E2F3: variants seen among roughly 807,000 people sequenced by gnomAD.
E2F3 encodes the protein transcription factor E2F3.
Under a neutral mutation model 44.4 loss-of-function variants are expected in E2F3, and 11 were observed. The ratio of observed to expected loss-of-function variants is 0.25; its 90% CI spans 0.16 to 0.41. The LOEUF is 0.41. E2F3 is among the 10% of genes least tolerant of loss of function. The probability of loss-of-function intolerance (pLI) is 1.00; values close to 1 mark genes in which losing one functional copy is unlikely to be tolerated. For synonymous variants in E2F3, 249 were observed against 253.0 expected (o/e 0.98, Z 0.15); for missense variants, 487 against 583.6 (o/e 0.83, Z 1.70).
chr6:20,426,389 C>G (rs147569004), intron 1 of E2F3, among the ~76,000 whole-genome samples: 122 of 152,322 alleles, frequency 8.0e-4, no homozygotes, highest in African/African-American at 2.8e-3. Flanking sequence ...GGCACCTAAT[C>G]AAAGATTTCT....
intron 1 of E2F3, among the ~76,000 whole-genome samples, chr6:20,441,518 G>A (rs1456255378): frequency 1.3e-5 from 2 of 152,012 alleles, no homozygotes; most frequent in Non-Finnish European, 2.9e-5. Context: ...ATTCCTTTGG[G>A]TATATATCCA....
intron 1 of E2F3, among the ~76,000 whole-genome samples, chr6:20,471,721 G>A (rs958616949): frequency 6.6e-6 from 1 of 152,170 alleles, no homozygotes; most frequent in Admixed American, 6.5e-5. Flanking sequence ...GTGCCAGTTA[G>A]TATGGTAATA....
chr6:20,403,595 G>C (rs1759384409), intron 1 of E2F3: 1 of 460,770 alleles, frequency 2.2e-6, no homozygotes, highest in Non-Finnish European at 3.9e-6. Flanking sequence ...GGGCGCTGGA[G>C]GGGGAGAGGG....
At chr6:20,411,938 C>A (rs1165805871) in intron 1 of E2F3, among the ~76,000 whole-genome samples, 1 of 152,194 alleles carries the variant, frequency 6.6e-6, no homozygotes, top group Non-Finnish European at 1.5e-5. Context: ...CCTGCAGTGC[C>A]CACTACACTA....
At chr6:20,470,542 C>G (rs1761855080) in intron 1 of E2F3, among the ~76,000 whole-genome samples, 1 of 152,194 alleles carries the variant, frequency 6.6e-6, no homozygotes, top group African/African-American at 2.4e-5. Flanking sequence ...TGGAAATTCC[C>G]TCCTTTGGGT....
At chr6:20,405,694 G>C (rs912767449) in intron 1 of E2F3, among the ~76,000 whole-genome samples, 1 of 151,818 alleles carries the variant, frequency 6.6e-6, no homozygotes, top group South Asian at 2.1e-4. Context: ...GTGGTGGTGC[G>C]CGCCTGTAAT....
At chr6:20,489,289 T>C (rs1762488193) in intron 6 of E2F3, among the ~76,000 whole-genome samples, 1 of 152,144 alleles carries the variant, frequency 6.6e-6, no homozygotes, top group Non-Finnish European at 1.5e-5. Flanking sequence ...GAGATCTTTT[T>C]AATAAGCTGG....
rs1320429135 is a variant in E2F3, at chr6:20,492,895, A to T, written c.*2465A>T. 2.3e-5 allele frequency: 5 copies of T among 218,532 alleles called. No individual in the cohort carries two copies. The highest frequency in any genetic ancestry group is 1.1e-4 in the African/African-American group (5 of 44,510). 13.5% of individuals were successfully genotyped at this position (218,532 alleles called of 1,614,324 possible). A position where few individuals can be genotyped will look rare whatever the true frequency, so the allele number is the denominator to read the frequency against. On this transcript the variant is annotated 3_prime_UTR_variant, in exon 7 of 7. Transcript: ENST00000346618. ...ATTTGCGTTACTTTAAGTACTAAGTATGCAGGTTTCCTGGTACCATTGAGT... is the reference window on the plus strand; with the variant it reads ...ATTTGCGTTACTTTAAGTACTAAGTTTGCAGGTTTCCTGGTACCATTGAGT...
intron 6 of E2F3, among the ~76,000 whole-genome samples, chr6:20,489,646 A>G (rs958833979): frequency 2.1e-4 from 32 of 152,148 alleles, no homozygotes; most frequent in Non-Finnish European, 4.4e-4. Context: ...GTTTATTGAC[A>G]GTAGTTATTT....
At chr6:20,437,604 G>GGTAAAAT (rs1760633164) in intron 1 of E2F3, among the ~76,000 whole-genome samples, 1 of 151,924 alleles carries the variant, frequency 6.6e-6, no homozygotes. Flanking sequence ...GGCCAAAGTT[G>GGTAAAAT]GTAAAATGCA....
chr6:20,415,645 A>G (rs1448535619), intron 1 of E2F3, among the ~76,000 whole-genome samples: 1 of 152,224 alleles, frequency 6.6e-6, no homozygotes. Context: ...TATATAGTAC[A>G]TATTTAAATT....
chr6:20,406,280 T>A (rs764411438), intron 1 of E2F3, among the ~76,000 whole-genome samples: 1 of 152,256 alleles, frequency 6.6e-6, no homozygotes, highest in African/African-American at 2.4e-5. Flanking sequence ...CAACTCAGTT[T>A]CTTCCTCTGT....
At chr6:20,484,035 G>T (rs1762313544) in intron 4 of E2F3, among the ~76,000 whole-genome samples, 1 of 152,192 alleles carries the variant, frequency 6.6e-6, no homozygotes, top group African/African-American at 2.4e-5. Flanking sequence ...GGCAGAGTGG[G>T]TTTACAGGGG....
At chr6:20,421,310 C>T (rs1047886342) in intron 1 of E2F3, among the ~76,000 whole-genome samples, 61 of 152,142 alleles carry the variant, frequency 4.0e-4, no homozygotes, top group African/African-American at 1.4e-3. Context: ...GACTCCTTTC[C>T]AGAAAGTTTG....
At chr6:20,403,338 C>T (rs904957555) in intron 1 of E2F3, among the ~76,000 whole-genome samples, 9 of 151,982 alleles carry the variant, frequency 5.9e-5, no homozygotes, top group African/African-American at 1.7e-4. Context: ...GCAGCGGCGG[C>T]GCCCGCGTGG....
At chr6:20,447,339 T>TGA (rs140836992) in intron 1 of E2F3, among the ~76,000 whole-genome samples, 117 of 150,000 alleles carry the variant, frequency 7.8e-4, no homozygotes, top group Admixed American at 3.0e-3. Flanking sequence ...TGTGTGTGTA[T>TGA]GAGAGAGAGA....
intron 1 of E2F3, among the ~76,000 whole-genome samples, chr6:20,420,380 T>C (rs1759983957): frequency 6.6e-6 from 1 of 152,216 alleles, no homozygotes; most frequent in Non-Finnish European, 1.5e-5. Context: ...AGGCTATTTA[T>C]AGTTTTCTTA....
intron 3 of E2F3, 87 bp downstream of exon 3, chr6:20,481,512 C>T (rs1308980846): frequency 4.4e-6 from 5 of 1,144,262 alleles, no homozygotes; most frequent in Non-Finnish European, 6.4e-6. Context: ...CACATCCACG[C>T]CCACACGTTC....
intron 1 of E2F3, among the ~76,000 whole-genome samples, chr6:20,428,803 T>G (rs1221078670): frequency 1.3e-5 from 2 of 152,216 alleles, no homozygotes; most frequent in African/African-American, 4.8e-5. Flanking sequence ...AGAATTTTGG[T>G]CAACATGGAT....
Sources: allele counts gnomAD v4.1 joint callset (sites outside exome capture counted in the v4.1 genomes callset), GRCh38; gene constraint gnomAD v4.1.1; transcripts MANE v1.5; gene names NCBI Gene and HGNC (gene_info 2026-07-23, HGNC 2026-07-21).